XAB2: variants seen among roughly 807,000 people sequenced by gnomAD.
The protein encoded by XAB2 is pre-mRNA-splicing factor SYF1.
Under a neutral mutation model 113.4 loss-of-function variants are expected in XAB2, and 57 were observed. The observed-to-expected ratio is 0.50, with a 90% CI of 0.41 to 0.63. XAB2 has a LOEUF of 0.63. XAB2 is among the 20% of genes least tolerant of loss of function. The pLI is 0.00. For synonymous variants in XAB2, 497 were observed against 498.8 expected, an observed-to-expected ratio of 1.00 and a Z score of 0.05; for missense variants, 1,037 against 1,233.3, an observed-to-expected ratio of 0.84 and a Z score of 2.38.
At chr19:7,621,096 C>T in intron 13 of XAB2, 39 bp downstream of exon 13, 4 of 818,922 alleles carry the variant, frequency 4.9e-6, no homozygotes, top group African/African-American at 1.9e-5. Flanking sequence ...AGAAACCCAG[C>T]CCGCCCGCCA....
chr19:7,621,567 C>A (rs990781773), intron 12 of XAB2: 44 of 476,980 alleles, frequency 9.2e-5, no homozygotes, highest in African/African-American at 5.8e-4. Flanking sequence ...AGGTGGGTGG[C>A]TCCCCAGCTC....
In XAB2 at chr19:7,623,010, A is replaced by G; in HGVS notation, c.1240-117T>C. 4 of 1,540,956 alleles carry G rather than the reference A, an allele frequency of 2.6e-6. No individual in the cohort carries two copies. The South Asian group carries it at 4.8e-5, about 19-fold the overall frequency. ...TACAGGCACAAACACACAGGCACAC[A>G]CACAGGCACACACATGCGTGCACAT... is the stretch of plus-strand genomic sequence containing the variant. On this transcript the variant is annotated intron_variant, in intron 9 of 18. Transcript: ENST00000358368. This position sits in a 1 kb window ranked among gnomAD's most constrained non-coding sequence, Gnocchi z 4.6.
intron 12 of XAB2, chr19:7,621,685 A>G (rs914768475): frequency 2.2e-5 from 5 of 227,720 alleles, no homozygotes; most frequent in African/African-American, 1.1e-4. Flanking sequence ...GTATCTGTAT[A>G]ATGCCCACAC....
chr19:7,623,292 G>T lies in XAB2; in HGVS notation c.1120-3C>A. On this transcript the variant is annotated splice_polypyrimidine_tract_variant and splice_region_variant and intron_variant, in intron 8 of 18. Transcript: ENST00000358368. The surrounding 1 kb of genome is among the most constrained non-coding windows in gnomAD (Gnocchi z 4.6). ...GCCTCTGTGTAGGTGTTGATGATCT[G>T]GGGACAGGAGGGAGGAGGTCATATA... 6.2e-7 allele frequency: 1 copy of T among 1,613,224 alleles called. No individual in the cohort carries two copies. Among genetic ancestry groups the T allele is most frequent in the Non-Finnish European group, 8.5e-7 (1 of 1,179,958 alleles).
At position 7,624,442 on chromosome 19, in the gene XAB2, G is replaced by A. The variant is rs1199656845; in HGVS notation, c.826C>T (p.Arg276Trp). ...YIRSGHFEKA[R>W]DVYEEAIRTV... ...CGGATGGCCTCCTCGTACACGTCCC[G>A]AGCCTGTGGGGACCCAGGGAAGGGG... Residue 276 changes from arginine to tryptophan, a missense_variant, in exon 7 of 19, where the codon CGG becomes TGG. Arg to Trp is a moderately radical substitution (Grantham distance 101). Coordinates refer to ENST00000358368, the MANE Select transcript of XAB2 (RefSeq NM_020196.3). This position sits in a 1 kb window ranked among gnomAD's most constrained non-coding sequence, Gnocchi z 4.2. The A allele has an allele frequency of 1.9e-6, 3 of 1,614,018 alleles. No individual in the cohort carries two copies. Among genetic ancestry groups the A allele is most frequent in the Non-Finnish European group, 1.7e-6 (2 of 1,179,990 alleles).
At position 7,621,144 on chromosome 19, in the gene XAB2, A is replaced by G. The variant is rs777552512; in HGVS notation, c.1771T>C (p.Tyr591His). The G allele has an allele frequency of 3.1e-6, 5 of 1,601,104 alleles. No individual in the cohort carries two copies. Among genetic ancestry groups the G allele is most frequent in the Non-Finnish European group, 4.3e-6 (5 of 1,174,630 alleles). Residue 591 changes from tyrosine (Y) to histidine (H), a missense_variant, in exon 13 of 19, where the codon TAT becomes CAT. By Grantham distance (83) the Tyr-to-His change is moderately conservative (BLOSUM62 2). Transcript: ENST00000358368. ...EQALDGCPPKYAKTLYLLYAQ... is the reference protein window; with the variant it reads ...EQALDGCPPKHAKTLYLLYAQ... ...CCTCTGCCCGCCTCACTCTTGGCAT[A>G]TTTTGGGGGGCAGCCGTCCAGAGCC...
At chr19:7,626,352 C>A in intron 4 of XAB2, 82 bp from the exon 5 acceptor site, 4 of 1,547,260 alleles carry the variant, frequency 2.6e-6, no homozygotes, top group Non-Finnish European at 3.5e-6. Context: ...TCGGGGCGTC[C>A]CCCCCCACCC....
At chr19:7,626,484 C>T (rs2031143478) in intron 4 of XAB2, among the ~76,000 whole-genome samples, 1 of 152,076 alleles carries the variant, frequency 6.6e-6, no homozygotes, top group Admixed American at 6.5e-5. Context: ...CCTGTGGGTC[C>T]TGCCTTGGCT....
Position 7,623,966 on chromosome 19 carries a change from C to G in XAB2, c.968-84G>C, listed in dbSNP as rs1245493271. ...CCACCGCCTCCACTCCCCACCCTCA[C>G]TCCGCTCCAGCCCCCAGCCAAGTGC... On this transcript the variant is annotated intron_variant, in intron 7 of 18. Transcript: ENST00000358368. This position sits in a 1 kb window ranked among gnomAD's most constrained non-coding sequence, Gnocchi z 4.6. 2.8e-6 allele frequency: 4 copies of G among 1,443,106 alleles called. No individual in the cohort carries two copies. The Middle Eastern group carries it at 7.5e-4, about 270-fold the overall frequency. 89.4% of individuals were successfully genotyped at this position (1,443,106 alleles called of 1,614,324 possible). A position where few individuals can be genotyped will look rare whatever the true frequency, so the allele number is the denominator to read the frequency against.
chr19:7,629,501 C>G lies in XAB2; in HGVS notation c.27G>C (p.Arg9=). ...CGAAGACAAGGTCCGGCCGCTCGGG[C>G]CGCGAGAGTCGCGCCATCACCACCA... MVVMARLS[R]PERPDLVFEE... is the part of the protein sequence containing the mutation. Residue 9 remains arginine, a synonymous_variant, in exon 1 of 19, where the codon CGG becomes CGC. Coordinates refer to ENST00000358368, the MANE Select transcript of XAB2 (RefSeq NM_020196.3). The G allele has an allele frequency of 6.2e-7, 1 of 1,604,506 alleles. No homozygotes were observed. The highest frequency in any genetic ancestry group is 1.1e-5 in the South Asian group (1 of 89,302).
chr19:7,623,818 G>C lies in XAB2; in HGVS notation c.1032C>G (p.Leu344=). 1 of 1,611,704 alleles carries C rather than the reference G, an allele frequency of 6.2e-7. No individual in the cohort carries two copies. The highest frequency in any genetic ancestry group is 1.8e-4 in the Middle Eastern group (1 of 5,562). The change falls in exon 8 of 19, where the codon CTC becomes CTG. Residue 344 remains leucine (L), a synonymous_variant. Transcript: ENST00000358368. The surrounding 1 kb of genome is among the most constrained non-coding windows in gnomAD (Gnocchi z 4.6). ...FEQLISRRPL[L]LNSVLLRQNP... is the part of the protein sequence containing the mutation. ...TTTGGCGCAGCAAGACGCTGTTGAGGAGCAGGGGCCGCCGGCTGATGAGCT... is the reference window on the plus strand; with the variant it reads ...TTTGGCGCAGCAAGACGCTGTTGAGCAGCAGGGGCCGCCGGCTGATGAGCT...
chr19:7,620,334 GTGTT>G lies in XAB2; in HGVS notation c.2203_2206del (p.Asn735ArgfsTer34). Reference sequence around the variant, plus strand: ...CTGCGAGGCCATGAAGTTGACCTGCGTGTTGTACGTGGCCTGCACGCTGCGCCGG... The same window carrying G: ...CTGCGAGGCCATGAAGTTGACCTGCGGTACGTGGCCTGCACGCTGCGCCGG... On this transcript the variant is annotated frameshift_variant, in exon 16 of 19. Transcript: ENST00000358368. LOFTEE classifies it high-confidence loss of function. 6.2e-7 allele frequency: 1 copy of G among 1,613,672 alleles called. No individual in the cohort carries two copies.
Position 7,626,055 on chromosome 19 carries a change from T to C in XAB2, c.658-11A>G, listed in dbSNP as rs751748686. 4 of 1,608,138 alleles carry C rather than the reference T, an allele frequency of 2.5e-6. No individual in the cohort carries two copies. In the Admixed American group the frequency reaches 6.7e-5, roughly 27 times the overall value. ...CAGCTCGTGCCACAGCTGCAGGGCATGGGGCAGTGGGGGAGAGTCTCAGGC... is the reference window on the plus strand; with the variant it reads ...CAGCTCGTGCCACAGCTGCAGGGCACGGGGCAGTGGGGGAGAGTCTCAGGC... On this transcript the variant is annotated splice_polypyrimidine_tract_variant and intron_variant, in intron 5 of 18. Coordinates refer to ENST00000358368, the MANE Select transcript of XAB2 (RefSeq NM_020196.3).
rs2146182775 is a variant in XAB2 at position 7,620,295 on chromosome 19, G to A, written c.2246C>T (p.Ser749Leu). Residue 749 changes from serine (S) to leucine (L), a missense_variant, in exon 16 of 19, where the codon TCG (serine) becomes TTG (leucine). Transcript: ENST00000358368. ...NFMASQMLKV[S>L]GSATGTVSDL... ...CTCACCGGTGCCCGTGGCACTGCCC[G>A]AGACCTTGAGCATCTGCGAGGCCAT... The A allele has an allele frequency of 1.2e-6, 2 of 1,613,462 alleles. No homozygotes were observed. Among genetic ancestry groups the A allele is most frequent in the Non-Finnish European group, 1.7e-6 (2 of 1,180,008 alleles).
At position 7,625,206 on chromosome 19, in the gene XAB2, CCT is replaced by C. The variant is rs922834783; in HGVS notation, c.822+672_822+673del. 9.5e-4 allele frequency among the ~76,000 whole-genome samples: 145 copies of C among 152,370 alleles called. 1 individual carries two copies. The highest frequency in any genetic ancestry group is 3.1e-3 in the African/African-American group (129 of 41,594). The stretch of plus-strand genomic sequence containing the variant: ...TGCCAAGAGCCACAGTCAGCTAACC[CCT>C]GAGGGAGTGGCCCTCACACCACGTA... On this transcript the variant is annotated intron_variant, in intron 6 of 18. Coordinates refer to ENST00000358368, the MANE Select transcript of XAB2 (RefSeq NM_020196.3). The surrounding 1 kb of genome is among the most constrained non-coding windows in gnomAD (Gnocchi z 5.2).
intron 12 of XAB2, 53 bp downstream of exon 12, chr19:7,622,278 C>T: frequency 6.3e-7 from 1 of 1,574,976 alleles, no homozygotes; most frequent in Non-Finnish European, 8.7e-7. Context: ...CTGAGGACCC[C>T]TGGGGAGGGG....
Position 7,627,247 on chromosome 19 carries a change from A to C in XAB2, c.518T>G (p.Leu173Arg). The change falls in exon 4 of 19, where the codon CTC becomes CGC. Residue 173 changes from leucine (L) to arginine (R), a missense_variant. Coordinates refer to ENST00000358368, the MANE Select transcript of XAB2 (RefSeq NM_020196.3). This position sits in a 1 kb window ranked among gnomAD's most constrained non-coding sequence, Gnocchi z 4.5. ...CAGCGCACCTGCTAGGCTCACCTTG[A>C]GGAAGCGCCGATAGCCTCGCACAGC... ...ETAVRGYRRFLKLSPESAEEY... is the reference protein window; with the variant it reads ...ETAVRGYRRFRKLSPESAEEY... The C allele has an allele frequency of 1.2e-6, 2 of 1,612,508 alleles. No homozygotes were observed. Among genetic ancestry groups the C allele is most frequent in the Non-Finnish European group, 1.7e-6 (2 of 1,179,944 alleles).
chr19:7,623,982 A>T lies in XAB2; in HGVS notation c.968-100T>A. 3 of 1,394,192 alleles carry T rather than the reference A, an allele frequency of 2.2e-6. No homozygotes were observed. The highest frequency in any genetic ancestry group is 2.9e-6 in the Non-Finnish European group (3 of 1,049,444). The allele number at this position is 1,394,192 out of a possible 1,614,324, so 86.4% of individuals were successfully genotyped here. On this transcript the variant is annotated intron_variant, in intron 7 of 18. Coordinates refer to ENST00000358368, the MANE Select transcript of XAB2 (RefSeq NM_020196.3). The surrounding 1 kb of genome is among the most constrained non-coding windows in gnomAD (Gnocchi z 4.6). Reference sequence around the variant, plus strand: ...CCACCCTCACTCCGCTCCAGCCCCCAGCCAAGTGCTCTGGGCCCTAGACAC... The same window carrying T: ...CCACCCTCACTCCGCTCCAGCCCCCTGCCAAGTGCTCTGGGCCCTAGACAC...
chr19:7,621,417 G>A, intron 12 of XAB2, 120 bp from the exon 13 acceptor site: 1 of 1,104,234 alleles, frequency 9.1e-7, no homozygotes, highest in African/African-American at 1.5e-5. Flanking sequence ...GCCCTTCCCT[G>A]TCCACGCCTC....
Sources: allele counts gnomAD v4.1 joint callset (sites outside exome capture counted in the v4.1 genomes callset), GRCh38; gene constraint gnomAD v4.1.1; non-coding constraint Gnocchi (gnomAD v3.1); transcripts MANE v1.5; gene names NCBI Gene and HGNC (gene_info 2026-07-23, HGNC 2026-07-21).